The following OPCML variants were observed in gnomAD, a reference collection of about 807,000 sequenced individuals.
OPCML encodes opioid binding protein/cell adhesion molecule like.
OPCML carries 13 observed loss-of-function variants against 37.8 expected under a neutral mutation model. The observed-to-expected ratio is 0.34, with a 90% confidence interval of 0.22 to 0.55. OPCML has a LOEUF of 0.55. OPCML is among the 20% of genes least tolerant of loss of function. OPCML has a pLI of 0.91. For missense variants in OPCML, 341 were observed against 435.6 expected (o/e 0.78, Z 1.93); for synonymous variants, 176 against 168.8 (o/e 1.04, Z -0.33).
intron 2 of OPCML, among the ~76,000 whole-genome samples, chr11:132,691,499 G>T (rs1213411186): frequency 6.6e-6 from 1 of 152,214 alleles, no homozygotes; most frequent in African/African-American, 2.4e-5. Context: ...GGTAGCCTCT[G>T]CAGTGTCATA....
In OPCML at chr11:132,774,918, G is replaced by A. The variant is rs139369152; in HGVS notation, c.147-117599C>T. ...ATACCATTTATCCCAATTCACTTTGGAGGGTGAGAGCCATATCATGTATTT... is the reference window on the plus strand; with the variant it reads ...ATACCATTTATCCCAATTCACTTTGAAGGGTGAGAGCCATATCATGTATTT... On this transcript the variant is annotated intron_variant, in intron 2 of 7. Coordinates refer to ENST00000524381, the MANE Select transcript of OPCML (RefSeq NM_001012393.5). Among the ~76,000 whole-genome samples the A allele has an allele frequency of 4.6e-5, 7 of 152,258 alleles. No individual in the cohort carries two copies. In the East Asian group the frequency reaches 1.4e-3, roughly 29 times the overall value.
intron 1 of OPCML, among the ~76,000 whole-genome samples, chr11:133,015,431 T>TGAAGGAAGGAAGGAAGGAAG (rs768763860): frequency 4.3e-5 from 2 of 46,096 alleles, no homozygotes; most frequent in Non-Finnish European, 8.7e-5. Flanking sequence ...AAGGAAGGAA[T>TGAAGGAAGGAAGGAAGGAAG]GAAGGAAGGA....
At chr11:132,532,256 T>C (rs4564348) in intron 3 of OPCML, among the ~76,000 whole-genome samples, 91,368 of 151,472 alleles carry the variant, frequency 0.6, 30,015 homozygotes, top group African/African-American at 0.86. Flanking sequence ...TGTTGTCTGC[T>C]TTCCTCTGTA....
intron 1 of OPCML, among the ~76,000 whole-genome samples, chr11:133,116,611 C>T (rs1949337241): frequency 6.6e-6 from 1 of 152,104 alleles, no homozygotes; most frequent in Non-Finnish European, 1.5e-5. Flanking sequence ...GCAGGAATAC[C>T]TAGAAGTGAT....
chr11:132,737,968 G>T lies in OPCML; in HGVS notation c.147-80649C>A, dbSNP rs528905632. On this transcript the variant is annotated intron_variant, in intron 2 of 7. Transcript: ENST00000524381. The stretch of plus-strand genomic sequence containing the variant: ...TTCCTATCTTTCACCTCTATAAATC[G>T]CCCCCAGTCTTCCACTGTCTCCCTT... Among the ~76,000 whole-genome samples the T allele has an allele frequency of 3.0e-4, 45 of 152,062 alleles. No homozygotes were observed. In the Middle Eastern group the frequency reaches 0.01, roughly 34 times the overall value.
At chr11:133,104,922 CAG>C (rs1447815848) in intron 1 of OPCML, among the ~76,000 whole-genome samples, 7 of 152,162 alleles carry the variant, frequency 4.6e-5, no homozygotes, top group Admixed American at 1.3e-4. Flanking sequence ...CACTCTCAGT[CAG>C]AATTCAACCA....
intron 1 of OPCML, among the ~76,000 whole-genome samples, chr11:133,234,154 A>G (rs1940409449): frequency 6.6e-6 from 1 of 152,212 alleles, no homozygotes; most frequent in South Asian, 2.1e-4. Context: ...ATATTGATGG[A>G]AACTTATAAT....
At chr11:133,198,122 T>C (rs1401491237) in intron 1 of OPCML, among the ~76,000 whole-genome samples, 1 of 152,142 alleles carries the variant, frequency 6.6e-6, no homozygotes, top group East Asian at 1.9e-4. Flanking sequence ...ATGGATATCC[T>C]TCCAAAATGG....
intron 1 of OPCML, among the ~76,000 whole-genome samples, chr11:133,240,467 T>G (rs1023053805): frequency 2.0e-5 from 3 of 152,166 alleles, no homozygotes; most frequent in Non-Finnish European, 4.4e-5. Flanking sequence ...GTGATGTCTT[T>G]GTCCCTCATC....
chr11:133,251,980 G>A (rs1208387310), intron 1 of OPCML, among the ~76,000 whole-genome samples: 1 of 152,170 alleles, frequency 6.6e-6, no homozygotes, highest in Admixed American at 6.5e-5. Flanking sequence ...CACAGCTGTT[G>A]TGCAGGAGGG....
At chr11:133,015,547 ATTATAC>A (rs1947316834) in intron 1 of OPCML, among the ~76,000 whole-genome samples, 2 of 152,152 alleles carry the variant, frequency 1.3e-5, no homozygotes, top group Non-Finnish European at 2.9e-5. Context: ...TGAACCCATA[ATTATAC>A]TTAATCCAAT....
chr11:132,701,888 A>G (rs750584948), intron 2 of OPCML, among the ~76,000 whole-genome samples: 1 of 151,864 alleles, frequency 6.6e-6, no homozygotes, highest in Non-Finnish European at 1.5e-5. Context: ...ACATCAAAAC[A>G]TCTTGTAGTT....
intron 3 of OPCML, among the ~76,000 whole-genome samples, chr11:132,531,029 G>A (rs1244905923): frequency 1.3e-5 from 2 of 152,156 alleles, no homozygotes; most frequent in Non-Finnish European, 2.9e-5. Flanking sequence ...GTCTCAGGAA[G>A]GGTATTGAAC....
In OPCML at chr11:132,681,837, C is replaced by T. The variant is rs546557611; in HGVS notation, c.147-24518G>A. ...TGGGGTGGTGGCGGGCACCTGTATT[C>T]CCAGCTACTCAGGAGGCTGAGGCAG... On this transcript the variant is annotated intron_variant, in intron 2 of 7. Coordinates refer to ENST00000524381, the MANE Select transcript of OPCML (RefSeq NM_001012393.5). Among the ~76,000 whole-genome samples the T allele has an allele frequency of 5.7e-4, 87 of 152,128 alleles. 1 individual carries two copies. Among genetic ancestry groups the T allele is most frequent in the African/African-American group, 2.0e-3 (85 of 41,496 alleles).
chr11:133,129,570 C>T (rs1949572760), intron 1 of OPCML, among the ~76,000 whole-genome samples: 1 of 152,120 alleles, frequency 6.6e-6, no homozygotes, highest in Non-Finnish European at 1.5e-5. Context: ...AGATACAATT[C>T]CCCATGCCTG....
intron 2 of OPCML, among the ~76,000 whole-genome samples, chr11:132,710,099 G>T (rs942195192): frequency 6.6e-6 from 1 of 152,118 alleles, no homozygotes; most frequent in African/African-American, 2.4e-5. Flanking sequence ...TCTGGTGTAC[G>T]CTGGCGTCAT....
chr11:132,751,058 C>A (rs559667156), intron 2 of OPCML, among the ~76,000 whole-genome samples: 13 of 152,288 alleles, frequency 8.5e-5, no homozygotes, highest in African/African-American at 2.9e-4. Context: ...AAAATGTGAT[C>A]ATGAACAAAC....
chr11:133,473,802 G>T (rs954860704), intron 1 of OPCML, among the ~76,000 whole-genome samples: 1 of 152,216 alleles, frequency 6.6e-6, no homozygotes, highest in African/African-American at 2.4e-5. Context: ...TGGTGGAAGG[G>T]TTGGCTTCCC....
chr11:132,704,301 A>G (rs574864458), intron 2 of OPCML, among the ~76,000 whole-genome samples: 1 of 152,378 alleles, frequency 6.6e-6, no homozygotes, highest in South Asian at 2.1e-4. Flanking sequence ...AGAATGTACC[A>G]AAGAAAAATT....
Sources: gnomAD v4.1 joint callset for allele counts (sites outside exome capture counted in the v4.1 genomes callset) on GRCh38, gnomAD v4.1.1 for gene constraint, MANE v1.5 for transcripts, NCBI Gene and HGNC (gene_info 2026-07-23, HGNC 2026-07-21) for gene names.